ORAI2: variants seen among roughly 807,000 people sequenced by gnomAD.
The protein encoded by ORAI2 is protein orai-2.
Under a neutral mutation model 16.2 loss-of-function variants are expected in ORAI2, and 10 were observed. The ratio of observed to expected loss-of-function variants is 0.62; its 90% CI spans 0.38 to 1.04. The LOEUF is 1.04. Ranked by LOEUF, ORAI2 falls within the 50% of genes least tolerant of loss-of-function variation. The pLI is 0.01. For missense variants in ORAI2, 238 were observed against 355.5 expected, an observed-to-expected ratio of 0.67 and a Z score of 2.66; for synonymous variants, 150 against 157.5, an observed-to-expected ratio of 0.95 and a Z score of 0.35.
At chr7:102,441,726 G>A (rs1797208336) in intron 3 of ORAI2, among the ~76,000 whole-genome samples, 1 of 151,896 alleles carries the variant, frequency 6.6e-6, no homozygotes, top group Non-Finnish European at 1.5e-5. Context: ...TGCAGATGTG[G>A]AACTCATAGA....
Position 102,446,811 on chromosome 7 carries a change from C to T in ORAI2, c.524C>T (p.Pro175Leu), listed in dbSNP as rs770868690. 1 of 1,614,068 alleles carries T rather than the reference C, an allele frequency of 6.2e-7. No homozygotes were observed. The highest frequency in any genetic ancestry group is 8.5e-7 in the Non-Finnish European group (1 of 1,180,032). ...VVLLCWIKFL[P>L]VDARRQPGPP... ...CTGCTCTGCTGGATCAAGTTCCTCC[C>T]CGTGGATGCCCGGCGCCAGCCTGGC... The change falls in exon 4 of 4, where the codon CCC (proline) becomes CTC (leucine). Residue 175 changes from proline to leucine, a missense_variant. Pro to Leu is a moderately conservative substitution (Grantham distance 98). Coordinates refer to ENST00000495936, the MANE Select transcript of ORAI2 (RefSeq NM_001126340.3).
Position 102,447,061 on chromosome 7 carries a change from G to A in ORAI2, c.*9G>A. 1 of 1,522,340 alleles carries A rather than the reference G, an allele frequency of 6.6e-7. No homozygotes were observed. The highest frequency in any genetic ancestry group is 2.5e-5 in the East Asian group (1 of 40,802). The allele number at this position is 1,522,340 out of a possible 1,614,324, so 94.3% of individuals were successfully genotyped here. ...GCCTGCAGGTCTTGTGAGGGGCCGA[G>A]GGCCGGGGCTGGGAGCGGCCCTGTG... On this transcript the variant is annotated 3_prime_UTR_variant, in exon 4 of 4. Coordinates refer to ENST00000495936, the MANE Select transcript of ORAI2 (RefSeq NM_001126340.3).
chr7:102,435,534 C>A (rs561277509), intron 1 of ORAI2, among the ~76,000 whole-genome samples: 2 of 117,160 alleles, frequency 1.7e-5, no homozygotes, highest in African/African-American at 3.0e-5. Context: ...TTGCCCCCCC[C>A]TCTTTTTTTT....
chr7:102,449,233 G>T lies in ORAI2; in HGVS notation c.*2181G>T, dbSNP rs1486674317. ...GTACTTTCCTGCAGCCTGTAGAAAC[G>T]CCTCTTACGGTTTAATATGTGTTCG... is the stretch of plus-strand genomic sequence containing the variant. On this transcript the variant is annotated 3_prime_UTR_variant, in exon 4 of 4. Coordinates refer to ENST00000495936, the MANE Select transcript of ORAI2 (RefSeq NM_001126340.3). 1.3e-5 allele frequency: 2 copies of T among 152,146 alleles called. No individual in the cohort carries two copies. Among genetic ancestry groups the T allele is most frequent in the African/African-American group, 2.4e-5 (1 of 41,422 alleles). The allele number at this position is 152,146 out of a possible 1,614,324, so 9.4% of individuals were successfully genotyped here. A position where few individuals can be genotyped will look rare whatever the true frequency, so the allele number is the denominator to read the frequency against.
At position 102,454,652 on chromosome 7, in the gene ORAI2, C is replaced by T. The variant is rs1350658912; in HGVS notation, c.*7600C>T. On this transcript the variant is annotated 3_prime_UTR_variant, in exon 4 of 4. Coordinates refer to ENST00000495936, the MANE Select transcript of ORAI2 (RefSeq NM_001126340.3). ...GTCAGCTGAGCCCCCGCTGGGCCTG[C>T]TCTGGAGCGGGATGTCTCCAGAAGC... The T allele has an allele frequency of 6.6e-6, 1 of 152,366 alleles. No homozygotes were observed. Among genetic ancestry groups the T allele is most frequent in the African/African-American group, 2.4e-5 (1 of 41,482 alleles). The allele number at this position is 152,366 out of a possible 1,614,324, so 9.4% of individuals were successfully genotyped here.
In ORAI2 at chr7:102,447,090, G is replaced by A. The variant is rs1199823580; in HGVS notation, c.*38G>A. On this transcript the variant is annotated 3_prime_UTR_variant, in exon 4 of 4. Coordinates refer to ENST00000495936, the MANE Select transcript of ORAI2 (RefSeq NM_001126340.3). ...CGGGGCTGGGAGCGGCCCTGTGCCC[G>A]GGAGTCCGCAGAGGCGGGGATTTGT... 62 of 1,483,026 alleles carry A rather than the reference G, an allele frequency of 4.2e-5. No individual in the cohort carries two copies. Among genetic ancestry groups the A allele is most frequent in the Middle Eastern group, 2.0e-4 (1 of 4,996 alleles). 91.9% of individuals were successfully genotyped at this position (1,483,026 alleles called of 1,614,324 possible). A position where few individuals can be genotyped will look rare whatever the true frequency, so the allele number is the denominator to read the frequency against.
intron 2 of ORAI2, 138 bp from the exon 3 acceptor site, chr7:102,438,806 T>C: frequency 1.4e-6 from 1 of 730,114 alleles, no homozygotes; most frequent in Non-Finnish European, 2.4e-6. Context: ...TAACTTTAGG[T>C]CCTGGGCACT....
Position 102,450,196 on chromosome 7 carries a change from CTAAAAA to C in ORAI2, c.*3145_*3150del, listed in dbSNP as rs1797485707. On this transcript the variant is annotated 3_prime_UTR_variant, in exon 4 of 4. Transcript: ENST00000495936. ...TGGGTGACAGAGTGAGACCCTGTCTCTAAAAAAAAAAAAAAGAAAATAAAGAAAAAA... is the reference window on the plus strand; with the variant it reads ...TGGGTGACAGAGTGAGACCCTGTCTCAAAAAAAAAGAAAATAAAGAAAAAA... The C allele has an allele frequency of 6.7e-6, 1 of 148,498 alleles. No homozygotes were observed. Among genetic ancestry groups the C allele is most frequent in the African/African-American group, 2.5e-5 (1 of 40,108 alleles). The allele number at this position is 148,498 out of a possible 1,614,324, so 9.2% of individuals were successfully genotyped here. A position where few individuals can be genotyped will look rare whatever the true frequency, so the allele number is the denominator to read the frequency against.
intron 1 of ORAI2, among the ~76,000 whole-genome samples, chr7:102,435,314 G>T (rs958442301): frequency 1.3e-5 from 2 of 152,134 alleles, no homozygotes; most frequent in Non-Finnish European, 2.9e-5. Flanking sequence ...CTGTTGCCTA[G>T]GCTGGTCTCC....
Position 102,447,063 on chromosome 7 carries a change from G to A in ORAI2, c.*11G>A, listed in dbSNP as rs1237943552. ...CTGCAGGTCTTGTGAGGGGCCGAGG[G>A]CCGGGGCTGGGAGCGGCCCTGTGCC... On this transcript the variant is annotated 3_prime_UTR_variant, in exon 4 of 4. Transcript: ENST00000495936. 1 of 1,519,826 alleles carries A rather than the reference G, an allele frequency of 6.6e-7. No homozygotes were observed. The highest frequency in any genetic ancestry group is 1.2e-5 in the South Asian group (1 of 81,616). 94.1% of individuals were successfully genotyped at this position (1,519,826 alleles called of 1,614,324 possible). A position where few individuals can be genotyped will look rare whatever the true frequency, so the allele number is the denominator to read the frequency against.
intron 3 of ORAI2, among the ~76,000 whole-genome samples, chr7:102,440,265 G>A (rs1233986290): frequency 1.3e-5 from 2 of 152,140 alleles, no homozygotes; most frequent in East Asian, 1.9e-4. Flanking sequence ...AGCCCAGTTA[G>A]CGATGCAGAC....
intron 3 of ORAI2, among the ~76,000 whole-genome samples, chr7:102,445,842 CT>C (rs1223919119): frequency 1.1e-4 from 17 of 151,840 alleles, no homozygotes; most frequent in Admixed American, 7.9e-4. Context: ...TTTTCTCTTT[CT>C]TTTCTTTCTT....
In ORAI2 at chr7:102,436,319, C is replaced by T. The variant is rs1797057775; in HGVS notation, c.-28C>T. 3 of 985,348 alleles carry T rather than the reference C, an allele frequency of 3.0e-6. No individual in the cohort carries two copies. The highest frequency in any genetic ancestry group is 3.5e-5 in the African/African-American group (2 of 57,180). The allele number at this position is 985,348 out of a possible 1,614,324, so 61.0% of individuals were successfully genotyped here. ...GGGATGGAGAGCCTGAGTTGGCATTCGTATAAATGACCTGGTAATTGGCAT... is the reference window on the plus strand; with the variant it reads ...GGGATGGAGAGCCTGAGTTGGCATTTGTATAAATGACCTGGTAATTGGCAT... On this transcript the variant is annotated 5_prime_UTR_variant, in exon 2 of 4. Transcript: ENST00000495936.
At chr7:102,437,913 T>C (rs550226374) in intron 2 of ORAI2, among the ~76,000 whole-genome samples, 17 of 152,098 alleles carry the variant, frequency 1.1e-4, no homozygotes, top group African/African-American at 4.1e-4. Context: ...TTAGCAGGCA[T>C]GGTCCTGTGC....
chr7:102,448,392 T>C lies in ORAI2; in HGVS notation c.*1340T>C, dbSNP rs1797431121. On this transcript the variant is annotated 3_prime_UTR_variant, in exon 4 of 4. Transcript: ENST00000495936. ...CAGCTGTAACCTGGAGAGTCAGCCA[T>C]GCCTTGTCTTTTGTTCTCATAAATA... The C allele has an allele frequency of 6.6e-6, 1 of 152,240 alleles. No individual in the cohort carries two copies. Among genetic ancestry groups the C allele is most frequent in the Admixed American group, 6.5e-5 (1 of 15,272 alleles). 9.4% of individuals were successfully genotyped at this position (152,240 alleles called of 1,614,324 possible). A position where few individuals can be genotyped will look rare whatever the true frequency, so the allele number is the denominator to read the frequency against.
chr7:102,439,587 CCT>C (rs1797144873), intron 3 of ORAI2, among the ~76,000 whole-genome samples: 1 of 151,670 alleles, frequency 6.6e-6, no homozygotes, highest in Non-Finnish European at 1.5e-5. Flanking sequence ...CAGGGAGACC[CCT>C]GTCTTTACAA....
rs1376466868 is a variant in ORAI2, at chr7:102,450,715, C to T, written c.*3663C>T. The T allele has an allele frequency of 6.6e-6, 1 of 152,264 alleles. No individual in the cohort carries two copies. Among genetic ancestry groups the T allele is most frequent in the Non-Finnish European group, 1.5e-5 (1 of 68,086 alleles). 9.4% of individuals were successfully genotyped at this position (152,264 alleles called of 1,614,324 possible). A position where few individuals can be genotyped will look rare whatever the true frequency, so the allele number is the denominator to read the frequency against. On this transcript the variant is annotated 3_prime_UTR_variant, in exon 4 of 4. Coordinates refer to ENST00000495936, the MANE Select transcript of ORAI2 (RefSeq NM_001126340.3). ...ACCATTGCTGTGGGAATAGCAGTGA[C>T]CATTGGTAGGGCCATGGTGGCCGGG...
In ORAI2 at chr7:102,454,473, T is replaced by C. The variant is rs1376892929; in HGVS notation, c.*7421T>C. The C allele has an allele frequency of 6.5e-6, 1 of 153,554 alleles. No individual in the cohort carries two copies. The highest frequency in any genetic ancestry group is 2.4e-5 in the African/African-American group (1 of 41,406). The allele number at this position is 153,554 out of a possible 1,614,324, so 9.5% of individuals were successfully genotyped here. On this transcript the variant is annotated 3_prime_UTR_variant, in exon 4 of 4. Coordinates refer to ENST00000495936, the MANE Select transcript of ORAI2 (RefSeq NM_001126340.3). Reference sequence around the variant, plus strand: ...GGGGGACAGGCTGGCTTAACACAAATCGAGGCAGGAATAACCCCAGAGAAT... The same window carrying C: ...GGGGGACAGGCTGGCTTAACACAAACCGAGGCAGGAATAACCCCAGAGAAT...
Position 102,448,008 on chromosome 7 carries a change from C to G in ORAI2, c.*956C>G, listed in dbSNP as rs1269989298. ...GGGGGCTCTGGCTCAGGCCCCGGAGCCTGTGCAGCTTGCCCATGGCCCTAG... is the reference window on the plus strand; with the variant it reads ...GGGGGCTCTGGCTCAGGCCCCGGAGGCTGTGCAGCTTGCCCATGGCCCTAG... On this transcript the variant is annotated 3_prime_UTR_variant, in exon 4 of 4. Coordinates refer to ENST00000495936, the MANE Select transcript of ORAI2 (RefSeq NM_001126340.3). The G allele has an allele frequency of 1.3e-5, 2 of 152,408 alleles. No homozygotes were observed. Among genetic ancestry groups the G allele is most frequent in the African/African-American group, 4.8e-5 (2 of 41,472 alleles). 9.4% of individuals were successfully genotyped at this position (152,408 alleles called of 1,614,324 possible). A position where few individuals can be genotyped will look rare whatever the true frequency, so the allele number is the denominator to read the frequency against.
Sources: gnomAD v4.1 joint callset for allele counts (sites outside exome capture counted in the v4.1 genomes callset) on GRCh38, gnomAD v4.1.1 for gene constraint, MANE v1.5 for transcripts, NCBI Gene and HGNC (gene_info 2026-07-23, HGNC 2026-07-21) for gene names.